Variants in RAPGEF5 observed in about 807,000 individuals in gnomAD.
RAPGEF5 encodes the protein Rap guanine nucleotide exchange factor 5.
In RAPGEF5, 65 loss-of-function variants were observed where a neutral mutation model predicts 125.2. The ratio of observed to expected loss-of-function variants is 0.52; its 90% CI spans 0.43 to 0.64. RAPGEF5 has a LOEUF of 0.64. Ranked by LOEUF, RAPGEF5 falls within the 30% of genes least tolerant of loss-of-function variation. The probability of loss-of-function intolerance (pLI) is 0.00; values close to 1 mark genes in which losing one functional copy is unlikely to be tolerated. For missense variants in RAPGEF5, 958 were observed against 1,048.1 expected (o/e 0.91, Z 1.19); for synonymous variants, 391 against 385.9 (o/e 1.01, Z -0.16).
chr7:22,180,155 A>G (rs1784630570), intron 11 of RAPGEF5, among the ~76,000 whole-genome samples: 1 of 152,238 alleles, frequency 6.6e-6, no homozygotes. Flanking sequence ...ATTTCTTTGA[A>G]GAAACAAATA....
Position 22,157,897 on chromosome 7 carries a change from A to G in RAPGEF5, c.1527-12T>C, listed in dbSNP as rs764582782. The G allele has an allele frequency of 1.9e-6, 3 of 1,608,716 alleles. No homozygotes were observed. Among genetic ancestry groups the G allele is most frequent in the Non-Finnish European group, 2.6e-6 (3 of 1,175,382 alleles). Reference sequence around the variant, plus strand: ...ATTCATCTACAGTGCTGAAAGGAAAAATGGCAAGAAGTCAGTCTTTGTCTC... The same window carrying G: ...ATTCATCTACAGTGCTGAAAGGAAAGATGGCAAGAAGTCAGTCTTTGTCTC... On this transcript the variant is annotated splice_polypyrimidine_tract_variant and intron_variant, in intron 14 of 25. Coordinates refer to ENST00000665637, the MANE Select transcript of RAPGEF5 (RefSeq NM_012294.5).
chr7:22,127,039 T>TC (rs2128098241), intron 24 of RAPGEF5, among the ~76,000 whole-genome samples: 1 of 79,558 alleles, frequency 1.3e-5, no homozygotes, highest in East Asian at 5.7e-4. Flanking sequence ...GCAAAAGTCT[T>TC]CTTTTTTTTT....
At chr7:22,296,695 G>C (rs1358660443) in intron 5 of RAPGEF5, among the ~76,000 whole-genome samples, 1 of 152,180 alleles carries the variant, frequency 6.6e-6, no homozygotes, top group Admixed American at 6.5e-5. Flanking sequence ...TCTAGGAATG[G>C]ACTATTCCTG....
chr7:22,262,610 T>C (rs967841130), intron 7 of RAPGEF5, among the ~76,000 whole-genome samples: 1 of 152,146 alleles, frequency 6.6e-6, no homozygotes, highest in African/African-American at 2.4e-5. Context: ...GGCTCACATA[T>C]ACAAAAAACC....
chr7:22,193,501 T>C (rs1469946400), intron 10 of RAPGEF5, 46 bp from the exon 11 acceptor site: 4 of 1,557,016 alleles, frequency 2.6e-6, no homozygotes, highest in African/African-American at 1.4e-5. Flanking sequence ...GGTGGAAGAC[T>C]GCGAGCGGCT....
At chr7:22,353,623 TA>T (rs938049007) in intron 1 of RAPGEF5, among the ~76,000 whole-genome samples, 5 of 152,122 alleles carry the variant, frequency 3.3e-5, no homozygotes, top group Admixed American at 6.5e-5. Flanking sequence ...GTTATACAAT[TA>T]AAAAAATTAA....
At chr7:22,296,413 A>G (rs955050044) in intron 5 of RAPGEF5, among the ~76,000 whole-genome samples, 5 of 152,252 alleles carry the variant, frequency 3.3e-5, no homozygotes. Context: ...TGTGGGAAAT[A>G]ACCTCTATTG....
Position 22,174,523 on chromosome 7 carries a change from T to TTCAC in RAPGEF5, c.1205-7379_1205-7376dup, listed in dbSNP as rs58601509. 6.8e-3 allele frequency among the ~76,000 whole-genome samples: 1,042 copies of TTCAC among 152,326 alleles called. 21 individuals carry two copies. The highest frequency in any genetic ancestry group is 0.024 in the African/African-American group (1,001 of 41,566). Reference sequence around the variant, plus strand: ...TCATCACCCTTCTGCTCTGGCAGTCTTCACTCACTCACTTTTACTGCCTGT... The same window carrying TTCAC: ...TCATCACCCTTCTGCTCTGGCAGTCTTCACTCACTCACTCACTTTTACTGCCTGT... On this transcript the variant is annotated intron_variant, in intron 11 of 25. Transcript: ENST00000665637.
chr7:22,146,686 G>A (rs2128105799), intron 19 of RAPGEF5, among the ~76,000 whole-genome samples: 1 of 152,156 alleles, frequency 6.6e-6, no homozygotes, highest in South Asian at 2.1e-4. Context: ...CATTACACAA[G>A]CATATGCTCA....
At chr7:22,302,167 C>G (rs1290266765) in intron 5 of RAPGEF5, among the ~76,000 whole-genome samples, 1 of 152,188 alleles carries the variant, frequency 6.6e-6, no homozygotes, top group Non-Finnish European at 1.5e-5. Flanking sequence ...CTTGTAATCC[C>G]TTTTGGATAC....
intron 11 of RAPGEF5, chr7:22,191,479 C>G (rs1784994614): frequency 4.5e-6 from 2 of 448,558 alleles, no homozygotes; most frequent in African/African-American, 2.0e-5. Context: ...TGTCCCTCCC[C>G]CAAACTCTAA....
At chr7:22,222,078 C>T (rs1350435876) in intron 8 of RAPGEF5, among the ~76,000 whole-genome samples, 2 of 152,094 alleles carry the variant, frequency 1.3e-5, no homozygotes, top group Non-Finnish European at 2.9e-5. Context: ...GAAACCCCGT[C>T]TCTACTAAAA....
At chr7:22,302,994 T>G (rs555640677) in intron 5 of RAPGEF5, among the ~76,000 whole-genome samples, 1 of 152,246 alleles carries the variant, frequency 6.6e-6, no homozygotes, top group African/African-American at 2.4e-5. Flanking sequence ...TTACAGACTG[T>G]CTATTCAAAG....
At chr7:22,213,749 T>C (rs2128131154) in intron 9 of RAPGEF5, among the ~76,000 whole-genome samples, 1 of 152,362 alleles carries the variant, frequency 6.6e-6, no homozygotes, top group African/African-American at 2.4e-5. Flanking sequence ...ACCCTAGTTG[T>C]GACTTTCAAT....
At chr7:22,266,291 C>A (rs866578405) in intron 7 of RAPGEF5, among the ~76,000 whole-genome samples, 9 of 152,158 alleles carry the variant, frequency 5.9e-5, no homozygotes, top group African/African-American at 2.2e-4. Flanking sequence ...TGACCTCCTC[C>A]CGCAGCAAAG....
chr7:22,188,931 G>A (rs1353041040), intron 11 of RAPGEF5, among the ~76,000 whole-genome samples: 1 of 151,622 alleles, frequency 6.6e-6, no homozygotes, highest in African/African-American at 2.4e-5. Context: ...AACCTACTAT[G>A]TGTTGCTAAA....
chr7:22,286,757 GCAGACCCC>G (rs1782808291), intron 6 of RAPGEF5, among the ~76,000 whole-genome samples: 1 of 152,190 alleles, frequency 6.6e-6, no homozygotes, highest in Admixed American at 6.5e-5. Flanking sequence ...GTTTGAGCAA[GCAGACCCC>G]TGGGTTGTAA....
At chr7:22,246,499 T>C (rs762622064) in intron 7 of RAPGEF5, among the ~76,000 whole-genome samples, 2 of 152,166 alleles carry the variant, frequency 1.3e-5, no homozygotes, top group African/African-American at 2.4e-5. Flanking sequence ...ATTCAATGAA[T>C]GGTGCTGGGA....
intron 9 of RAPGEF5, among the ~76,000 whole-genome samples, chr7:22,219,421 T>G (rs12537362): frequency 2.6e-3 from 397 of 151,172 alleles, no homozygotes; most frequent in Non-Finnish European, 4.1e-3. Context: ...AATCTCTTTT[T>G]GTGTTTTCAT....
Sources: gnomAD v4.1 joint callset for allele counts (sites outside exome capture counted in the v4.1 genomes callset) on GRCh38, gnomAD v4.1.1 for gene constraint, MANE v1.5 for transcripts, NCBI Gene and HGNC (gene_info 2026-07-23, HGNC 2026-07-21) for gene names.